Variants in SPNS3 observed in about 807,000 individuals in gnomAD.
SPNS3 encodes the protein protein spinster homolog 3.
In SPNS3, 51 loss-of-function variants were observed where a neutral mutation model predicts 54.4. The ratio of observed to expected loss-of-function variants is 0.94; its 90% CI spans 0.75 to 1.18. The LOEUF is 1.18. Ranked by LOEUF, SPNS3 falls within the 50% of genes most tolerant of loss-of-function variation. The probability of loss-of-function intolerance (pLI) is 0.00; values close to 1 mark genes in which losing one functional copy is unlikely to be tolerated. For missense variants in SPNS3, 669 were observed against 677.4 expected, an observed-to-expected ratio of 0.99 and a Z score of 0.14; for synonymous variants, 309 against 294.7, an observed-to-expected ratio of 1.05 and a Z score of -0.50.
intron 8 of SPNS3, among the ~76,000 whole-genome samples, chr17:4,454,411 G>A (rs182453989): frequency 2.0e-5 from 3 of 152,332 alleles, no homozygotes; most frequent in East Asian, 1.9e-4. Flanking sequence ...ACACAGATGC[G>A]CTTGCACATG....
chr17:4,472,201 C>T (rs1295637922), intron 8 of SPNS3, among the ~76,000 whole-genome samples: 2 of 152,154 alleles, frequency 1.3e-5, no homozygotes, highest in African/African-American at 4.8e-5. Context: ...TTCCTTCCTT[C>T]TTTCCTTTTC....
At chr17:4,450,854 C>T (rs1300615382) in intron 7 of SPNS3, among the ~76,000 whole-genome samples, 6 of 151,392 alleles carry the variant, frequency 4.0e-5, no homozygotes, top group Non-Finnish European at 8.8e-5. Flanking sequence ...ATGACTGGCC[C>T]GCCTCAGCCT....
Position 4,445,597 on chromosome 17 carries a change from G to A in SPNS3, c.402+429G>A, listed in dbSNP as rs1261762004. ...TCACCATGTGGGCCAGGCTGGTCTC[G>A]AACTCCCAGCCTCAGGTGATCCACC... On this transcript the variant is annotated intron_variant, in intron 3 of 11. Transcript: ENST00000355530. Among the ~76,000 whole-genome samples, 4 of 151,956 alleles carry A rather than the reference G, an allele frequency of 2.6e-5. No homozygotes were observed. The South Asian group carries it at 8.3e-4, about 31-fold the overall frequency.
chr17:4,446,888 T>C lies in SPNS3; in HGVS notation c.555-8T>C. ...TCACAGCCCATCGCCCCTGCCCCTT[T>C]GTTGCAGTGGTCTGGGCTACGTGCT... On this transcript the variant is annotated splice_region_variant and splice_polypyrimidine_tract_variant and intron_variant, in intron 4 of 11. Coordinates refer to ENST00000355530, the MANE Select transcript of SPNS3 (RefSeq NM_182538.5). 6.2e-7 allele frequency: 1 copy of C among 1,613,900 alleles called. No homozygotes were observed. Among genetic ancestry groups the C allele is most frequent in the Non-Finnish European group, 8.5e-7 (1 of 1,179,884 alleles).
At position 4,446,204 on chromosome 17, in the gene SPNS3, G is replaced by T; in HGVS notation, c.554+5G>T. 6.2e-7 allele frequency: 1 copy of T among 1,607,256 alleles called. No homozygotes were observed. The highest frequency in any genetic ancestry group is 8.5e-7 in the Non-Finnish European group (1 of 1,175,088). On this transcript the variant is annotated splice_donor_5th_base_variant and intron_variant, in intron 4 of 11. Transcript: ENST00000355530. ...CATCTTTATCCCCGTTGGAAGGTTG[G>T]TATCACCCGTGGGTCTACTTCCCCA...
chr17:4,441,372 A>T (rs114556266), intron 2 of SPNS3, among the ~76,000 whole-genome samples: 6,724 of 152,174 alleles, frequency 0.044, 478 homozygotes, highest in African/African-American at 0.15. Context: ...GAAAGGAAAA[A>T]AAAAAGACAA....
chr17:4,486,820 G>A lies in SPNS3; in HGVS notation c.1450+237G>A, dbSNP rs116604065. Among the ~76,000 whole-genome samples, 789 of 152,230 alleles carry A rather than the reference G, an allele frequency of 5.2e-3. 8 individuals are homozygous for A. Among genetic ancestry groups the A allele is most frequent in the African/African-American group, 0.018 (762 of 41,518 alleles). On this transcript the variant is annotated intron_variant, in intron 11 of 11. Coordinates refer to ENST00000355530, the MANE Select transcript of SPNS3 (RefSeq NM_182538.5). The surrounding 1 kb of genome is among the most constrained non-coding windows in gnomAD (Gnocchi z 5.5). ...GTGAAGACAGACCAGAAACAGAAAA[G>A]GTTAAAGATATAGCATGTTCAGGGT...
rs138262267 is a variant in SPNS3 at position 4,476,952 on chromosome 17, G to A, written c.1114-1620G>A. On this transcript the variant is annotated intron_variant, in intron 8 of 11. Coordinates refer to ENST00000355530, the MANE Select transcript of SPNS3 (RefSeq NM_182538.5). ...CCGCTCCCGTGGGTCCCCGGCTGGC[G>A]TGGTCTTGTGGCTGTCCTGGGCCCG... Among the ~76,000 whole-genome samples, 1,307 of 152,328 alleles carry A rather than the reference G, an allele frequency of 8.6e-3. 5 individuals carry two copies. Among genetic ancestry groups the A allele is most frequent in the Non-Finnish European group, 0.015 (1,044 of 68,020 alleles).
chr17:4,440,000 A>G (rs1443604953), intron 2 of SPNS3, among the ~76,000 whole-genome samples: 1 of 152,152 alleles, frequency 6.6e-6, no homozygotes, highest in Non-Finnish European at 1.5e-5. Flanking sequence ...GGAGCTGGCC[A>G]TTCCTTCCCT....
chr17:4,487,971 C>A lies in SPNS3; in HGVS notation c.*77C>A. 1.5e-6 allele frequency: 2 copies of A among 1,344,652 alleles called. No homozygotes were observed. The highest frequency in any genetic ancestry group is 2.1e-6 in the Non-Finnish European group (2 of 941,628). The allele number at this position is 1,344,652 out of a possible 1,614,324, so 83.3% of individuals were successfully genotyped here. On this transcript the variant is annotated 3_prime_UTR_variant, in exon 12 of 12. Transcript: ENST00000355530. ...CAGCAGTGCCTCGGTTCCTCTTTGG[C>A]TGTCCTCGGGGACTCCGGCTGAGGC...
rs888764727 is a variant in SPNS3, at chr17:4,486,506, C to T, written c.1373C>T (p.Ala458Val). ...QSFLCCAFVI[A>V]LGGGCFLLTA... ...TTCCTGTGCTGCGCCTTTGTCATCG[C>T]CCTGGGGGGCGGCTGCTTCCTGCTG... Residue 458 changes from alanine (A) to valine (V), a missense_variant, in exon 11 of 12, where the codon GCC becomes GTC. Physicochemically the swap from Ala to Val is moderately conservative, Grantham distance 64. Transcript: ENST00000355530. The surrounding 1 kb of genome is among the most constrained non-coding windows in gnomAD (Gnocchi z 5.5). 1 of 1,613,578 alleles carries T rather than the reference C, an allele frequency of 6.2e-7. No homozygotes were observed. Among genetic ancestry groups the T allele is most frequent in the Non-Finnish European group, 8.5e-7 (1 of 1,179,978 alleles).
chr17:4,464,567 G>A (rs1042602938), intron 8 of SPNS3, among the ~76,000 whole-genome samples: 1 of 152,166 alleles, frequency 6.6e-6, no homozygotes, highest in Non-Finnish European at 1.5e-5. Flanking sequence ...GTGTGACCTA[G>A]GGCAAGATCT....
intron 8 of SPNS3, among the ~76,000 whole-genome samples, chr17:4,477,569 C>T (rs1315494895): frequency 6.6e-5 from 10 of 152,198 alleles, no homozygotes; most frequent in Admixed American, 2.0e-4. Context: ...TCCCTTGGCA[C>T]GAGGTGAAGG....
intron 8 of SPNS3, among the ~76,000 whole-genome samples, chr17:4,471,212 C>G (rs1971845833): frequency 6.6e-6 from 1 of 152,216 alleles, no homozygotes. Context: ...GCGTGAGCCA[C>G]TGTGCCTGGC....
At position 4,486,635 on chromosome 17, in the gene SPNS3, G is replaced by A. The variant is rs780482049; in HGVS notation, c.1450+52G>A. On this transcript the variant is annotated intron_variant, in intron 11 of 11. Coordinates refer to ENST00000355530, the MANE Select transcript of SPNS3 (RefSeq NM_182538.5). The surrounding 1 kb of genome is among the most constrained non-coding windows in gnomAD (Gnocchi z 5.5). Reference sequence around the variant, plus strand: ...GCTCAGGGCCGGCACCCTAGGGACAGACAGCACTGGCCACCCCCTGAATCC... The same window carrying A: ...GCTCAGGGCCGGCACCCTAGGGACAAACAGCACTGGCCACCCCCTGAATCC... The A allele has an allele frequency of 1.3e-6, 2 of 1,545,706 alleles. No homozygotes were observed. The highest frequency in any genetic ancestry group is 1.8e-6 in the Non-Finnish European group (2 of 1,141,494).
chr17:4,455,891 T>C (rs1033282518), intron 8 of SPNS3, among the ~76,000 whole-genome samples: 5 of 147,740 alleles, frequency 3.4e-5, no homozygotes, highest in African/African-American at 1.2e-4. Flanking sequence ...AAGGCCAGCT[T>C]CCTTCCTGGC....
intron 9 of SPNS3, chr17:4,482,050 A>C (rs571427935): frequency 6.6e-6 from 1 of 152,208 alleles, no homozygotes; most frequent in South Asian, 2.1e-4. Context: ...CACCACGCCC[A>C]GCTAATTTTT....
chr17:4,440,462 C>T (rs1970821136), intron 2 of SPNS3, among the ~76,000 whole-genome samples: 2 of 152,174 alleles, frequency 1.3e-5, no homozygotes, highest in Non-Finnish European at 2.9e-5. Flanking sequence ...GTACAGGGAT[C>T]CCTGGGGATA....
chr17:4,469,588 C>G (rs568467660), intron 8 of SPNS3, among the ~76,000 whole-genome samples: 1 of 136,394 alleles, frequency 7.3e-6, no homozygotes, highest in Non-Finnish European at 1.5e-5. Context: ...CACTGCACGC[C>G]AGCCTGGGCG....
Sources: gnomAD v4.1 joint callset for allele counts (sites outside exome capture counted in the v4.1 genomes callset) on GRCh38, gnomAD v4.1.1 for gene constraint, Gnocchi (gnomAD v3.1) non-coding constraint, MANE v1.5 for transcripts, NCBI Gene and HGNC (gene_info 2026-07-23, HGNC 2026-07-21) for gene names.